Variants in MOV10L1 observed in about 807,000 individuals in gnomAD.
MOV10L1 encodes Mov10 like RNA helicase 1, also known as RNA helicase Mov10l1.
A neutral mutation model predicts 143.8 loss-of-function variants in MOV10L1; 110 were observed. The observed-to-expected ratio is 0.76, with a 90% CI of 0.66 to 0.90. The LOEUF is 0.90. Among genes scored for constraint, MOV10L1 ranks in the 40% least tolerant of loss-of-function variants. MOV10L1 has a pLI of 0.00. For synonymous variants in MOV10L1, 593 were observed against 581.1 expected (o/e 1.02, Z -0.29); for missense variants, 1,406 against 1,526.8 (o/e 0.92, Z 1.32).
At position 50,114,395 on chromosome 22, in the gene MOV10L1, T is replaced by G; in HGVS notation, c.899T>G (p.Ile300Ser). ...TATTTTTCCAGGAATAAAGGAGACA[T>G]TCCTCAAAACTTAGTCAGCTGTAAA... ...MVIWIENKGD[I>S]PQNLVSCKLA... Residue 300 changes from isoleucine to serine, a missense_variant, in exon 7 of 27, where the codon ATT becomes AGT. Coordinates refer to ENST00000262794, the MANE Select transcript of MOV10L1 (RefSeq NM_018995.3). 6.2e-7 allele frequency: 1 copy of G among 1,613,996 alleles called. No individual in the cohort carries two copies. The highest frequency in any genetic ancestry group is 8.5e-7 in the Non-Finnish European group (1 of 1,179,896).
At chr22:50,144,009 C>A (rs746550080) in intron 17 of MOV10L1, 88 bp from the exon 18 acceptor site, 2 of 1,518,984 alleles carry the variant, frequency 1.3e-6, no homozygotes, top group Admixed American at 1.8e-5. Flanking sequence ...AGTCCCTGCA[C>A]CCGAATGTGT....
rs144147551 is a variant in MOV10L1 at position 50,150,842 on chromosome 22, C to T, written c.2835C>T (p.Pro945=). Residue 945 remains proline, a synonymous_variant, in exon 21 of 27, where the codon CCC becomes CCT. Coordinates refer to ENST00000262794, the MANE Select transcript of MOV10L1 (RefSeq NM_018995.3). ...VSFLERLMSR[P]AYQRDENAFG... ...TTTTGGAACGGCTGATGTCTCGACC[C>T]GCGTACCAGAGGGACGAAAATGCTT... is the stretch of plus-strand genomic sequence containing the variant. 4.0e-5 allele frequency: 64 copies of T among 1,614,088 alleles called. No homozygotes were observed. The African/African-American group carries it at 6.5e-4, about 16-fold the overall frequency.
At chr22:50,141,061 T>G (rs9628288) in intron 15 of MOV10L1, among the ~76,000 whole-genome samples, 9,559 of 152,140 alleles carry the variant, frequency 0.063, 1,015 homozygotes, top group African/African-American at 0.22. Context: ...CCTTTTTTTT[T>G]TTTGTTTTGA....
chr22:50,156,579 C>G (rs1396025226), intron 22 of MOV10L1, among the ~76,000 whole-genome samples: 1 of 152,196 alleles, frequency 6.6e-6, no homozygotes, highest in African/African-American at 2.4e-5. Context: ...TGTATGAATT[C>G]AGGTGTTCTA....
chr22:50,115,243 G>T lies in MOV10L1; in HGVS notation c.1256G>T (p.Gly419Val). The change falls in exon 8 of 27, where the codon GGA (glycine) becomes GTA (valine). Residue 419 changes from glycine (G) to valine (V), a missense_variant. By Grantham distance (109) the Gly-to-Val change is moderately radical. Around this residue, in one of 3 missense-constraint regions of MOV10L1, gnomAD observed 1,233 missense variants for 1,351.4 expected, o/e 0.91. Coordinates refer to ENST00000262794, the MANE Select transcript of MOV10L1 (RefSeq NM_018995.3). ...ACCTTCATTGTGGTCATCTGTGACG[G>T]AAAGTAAGGGCCTGGAGGTCTGGGG... ...GKTFIVVICD[G>V]KNPGRCKELL... 6.6e-7 allele frequency: 1 copy of T among 1,519,854 alleles called. No homozygotes were observed. The highest frequency in any genetic ancestry group is 8.7e-7 in the Non-Finnish European group (1 of 1,144,010). 94.1% of individuals were successfully genotyped at this position (1,519,854 alleles called of 1,614,324 possible).
At position 50,144,161 on chromosome 22, in the gene MOV10L1, T is replaced by C; in HGVS notation, c.2423T>C (p.Leu808Pro). Residue 808 changes from leucine (L) to proline (P), a missense_variant, in exon 18 of 27, where the codon CTC becomes CCC. By Grantham distance (98) the Leu-to-Pro change is moderately conservative. Coordinates refer to ENST00000262794, the MANE Select transcript of MOV10L1 (RefSeq NM_018995.3). ...GCGCCCTCCAACAGTGCTGCTGACC[T>C]CGTGTGTCTGCGGCTGCACGAGAGC... is the stretch of plus-strand genomic sequence containing the variant. ...VCAPSNSAAD[L>P]VCLRLHESKV... 1 of 1,613,642 alleles carries C rather than the reference T, an allele frequency of 6.2e-7. No individual in the cohort carries two copies. The highest frequency in any genetic ancestry group is 8.5e-7 in the Non-Finnish European group (1 of 1,179,540).
chr22:50,091,571 G>A (rs958928583), intron 1 of MOV10L1: 1 of 161,692 alleles, frequency 6.2e-6, no homozygotes, highest in East Asian at 1.8e-4. Context: ...CAGCCACGCA[G>A]AGGTCCATAC....
At chr22:50,103,122 G>A (rs1328173868) in intron 3 of MOV10L1, among the ~76,000 whole-genome samples, 1 of 152,180 alleles carries the variant, frequency 6.6e-6, no homozygotes, top group East Asian at 1.9e-4. Flanking sequence ...GGTTACCTAG[G>A]TGAGGTCTGA....
intron 3 of MOV10L1, among the ~76,000 whole-genome samples, chr22:50,102,777 T>G (rs1302052270): frequency 6.6e-6 from 1 of 152,062 alleles, no homozygotes; most frequent in Admixed American, 6.6e-5. Context: ...GGTGCATGCC[T>G]GTAATCCCAG....
intron 12 of MOV10L1, among the ~76,000 whole-genome samples, chr22:50,127,074 C>T (rs771682620): frequency 2.0e-5 from 3 of 152,114 alleles, no homozygotes; most frequent in Non-Finnish European, 2.9e-5. Context: ...ATGTGAGACA[C>T]GAGTGACATG....
intron 1 of MOV10L1, 39 bp downstream of exon 1, chr22:50,090,224 C>T: frequency 7.1e-7 from 1 of 1,409,900 alleles, no homozygotes; most frequent in Non-Finnish European, 9.2e-7. Flanking sequence ...GGTCCCGGGC[C>T]CTCGCGTGTC....
At chr22:50,134,408 C>A in intron 14 of MOV10L1, 122 bp from the exon 15 acceptor site, 1 of 713,866 alleles carries the variant, frequency 1.4e-6, no homozygotes. Flanking sequence ...GTATAACAGG[C>A]AGGTTAAGAA....
intron 13 of MOV10L1, among the ~76,000 whole-genome samples, chr22:50,133,450 T>G (rs1461444988): frequency 7.6e-6 from 1 of 130,808 alleles, no homozygotes; most frequent in Admixed American, 7.8e-5. Flanking sequence ...CAGAGCAGAG[T>G]CTCTAAAAAA....
Position 50,143,117 on chromosome 22 carries a change from G to A in MOV10L1, c.2254G>A (p.Ala752Thr). ...NPVLNENQKLAVKRILSGDCR... is the reference protein window; with the variant it reads ...NPVLNENQKLTVKRILSGDCR... ...AGTGCTAAATGAAAATCAGAAGTTA[G>A]CAGTTAAAAGGATTCTGAGTGGTGA... is the stretch of plus-strand genomic sequence containing the variant. Residue 752 changes from alanine to threonine, a missense_variant, in exon 17 of 27, where the codon GCA (alanine) becomes ACA (threonine). By Grantham distance (58) the Ala-to-Thr change is moderately conservative (BLOSUM62 0). Coordinates refer to ENST00000262794, the MANE Select transcript of MOV10L1 (RefSeq NM_018995.3). 2 of 1,614,216 alleles carry A rather than the reference G, an allele frequency of 1.2e-6. No homozygotes were observed. Among genetic ancestry groups the A allele is most frequent in the Non-Finnish European group, 1.7e-6 (2 of 1,180,024 alleles).
chr22:50,136,062 A>G (rs1416121710), intron 15 of MOV10L1, among the ~76,000 whole-genome samples: 3 of 152,274 alleles, frequency 2.0e-5, no homozygotes, highest in Non-Finnish European at 4.4e-5. Flanking sequence ...CAAAAATGAT[A>G]GGTTTAGAAT....
rs947204002 is a variant in MOV10L1 at position 50,113,638 on chromosome 22, C to T, written c.744-10C>T. Reference sequence around the variant, plus strand: ...TGCAGAGGGATGTCTTTCTGGGGCTCTTTTTTCAGAGACGCCGCCCCTGTT... The same window carrying T: ...TGCAGAGGGATGTCTTTCTGGGGCTTTTTTTTCAGAGACGCCGCCCCTGTT... On this transcript the variant is annotated splice_polypyrimidine_tract_variant and intron_variant, in intron 5 of 26. Transcript: ENST00000262794. The T allele has an allele frequency of 7.4e-6, 12 of 1,611,840 alleles. No homozygotes were observed. The highest frequency in any genetic ancestry group is 8.5e-6 in the Non-Finnish European group (10 of 1,179,176).
At chr22:50,136,045 C>T (rs546021429) in intron 15 of MOV10L1, among the ~76,000 whole-genome samples, 1 of 152,152 alleles carries the variant, frequency 6.6e-6, no homozygotes, top group South Asian at 2.1e-4. Context: ...GTTCCTCCCC[C>T]AAAATGCAAA....
At chr22:50,115,788 G>C (rs1485147422) in intron 8 of MOV10L1, among the ~76,000 whole-genome samples, 1 of 152,304 alleles carries the variant, frequency 6.6e-6, no homozygotes, top group East Asian at 1.9e-4. Flanking sequence ...CATCACGTTG[G>C]CTCCTCTTCA....
At chr22:50,136,202 C>T (rs562982516) in intron 15 of MOV10L1, among the ~76,000 whole-genome samples, 2 of 152,086 alleles carry the variant, frequency 1.3e-5, no homozygotes, top group African/African-American at 2.4e-5. Flanking sequence ...TTGGACAGTG[C>T]TTTTCTTCTC....
Sources: gnomAD v4.1 joint callset for allele counts (sites outside exome capture counted in the v4.1 genomes callset) on GRCh38, gnomAD v4.1.1 for gene constraint, gnomAD v4.1.1 regional missense constraint, MANE v1.5 for transcripts, NCBI Gene and HGNC (gene_info 2026-07-23, HGNC 2026-07-21) for gene names.